PLEKHA5: variants seen among roughly 807,000 people sequenced by gnomAD.
PLEKHA5 encodes the protein pleckstrin homology domain containing A5, also known as pleckstrin homology domain-containing family A member 5.
PLEKHA5 carries 55 observed loss-of-function variants against 181.9 expected under a neutral mutation model. The observed-to-expected ratio is 0.30, with a 90% confidence interval of 0.24 to 0.38. The LOEUF is 0.38. PLEKHA5 is among the 10% of genes least tolerant of loss of function. The probability of loss-of-function intolerance (pLI) is 1.00; values close to 1 mark genes in which losing one functional copy is unlikely to be tolerated. For missense variants in PLEKHA5, 1,432 were observed against 1,549.5 expected, an observed-to-expected ratio of 0.92 and a Z score of 1.27; for synonymous variants, 535 against 529.4, an observed-to-expected ratio of 1.01 and a Z score of -0.15.
At chr12:19,199,206 G>T (rs1472725005) in intron 3 of PLEKHA5, among the ~76,000 whole-genome samples, 7 of 152,094 alleles carry the variant, frequency 4.6e-5, no homozygotes, top group Admixed American at 4.6e-4. Context: ...TAAGACTCTT[G>T]CAAATATAAG....
chr12:19,344,676 AT>A (rs1230365410), intron 22 of PLEKHA5, among the ~76,000 whole-genome samples: 4 of 152,254 alleles, frequency 2.6e-5, no homozygotes, highest in Non-Finnish European at 5.9e-5. Flanking sequence ...ATTATTTCAC[AT>A]TATGTTAATA....
chr12:19,338,313 C>G (rs1177729308), intron 21 of PLEKHA5, among the ~76,000 whole-genome samples: 1 of 152,074 alleles, frequency 6.6e-6, no homozygotes, highest in Non-Finnish European at 1.5e-5. Context: ...ATCCTCCCAC[C>G]TCAGCCTTCC....
chr12:19,241,767 A>C (rs534878453), intron 3 of PLEKHA5, among the ~76,000 whole-genome samples: 1 of 152,248 alleles, frequency 6.6e-6, no homozygotes, highest in East Asian at 1.9e-4. Flanking sequence ...TCTAAAAAAA[A>C]AAAAAGAAAA....
At chr12:19,291,755 TAC>T in intron 15 of PLEKHA5, 58 bp downstream of exon 15, 1 of 923,136 alleles carries the variant, frequency 1.1e-6, no homozygotes, top group Non-Finnish European at 1.6e-6. Context: ...TTAAATATAA[TAC>T]AGTTTTTCAG....
chr12:19,316,264 G>C (rs2088654165), intron 16 of PLEKHA5, among the ~76,000 whole-genome samples: 1 of 152,050 alleles, frequency 6.6e-6, no homozygotes, highest in Admixed American at 6.6e-5. Context: ...AGATGAGAAT[G>C]GTAGCCTGGA....
intron 3 of PLEKHA5, among the ~76,000 whole-genome samples, chr12:19,229,809 A>G (rs1468393571): frequency 6.6e-6 from 1 of 151,844 alleles, no homozygotes; most frequent in African/African-American, 2.4e-5. Flanking sequence ...TTTTACAGAG[A>G]GCTGATTGGT....
At chr12:19,347,916 A>G (rs932498197) in intron 24 of PLEKHA5, among the ~76,000 whole-genome samples, 1 of 133,428 alleles carries the variant, frequency 7.5e-6, no homozygotes, top group African/African-American at 2.9e-5. Context: ...ACAGGGTCTC[A>G]CTCTTTCCCA....
intron 25 of PLEKHA5, among the ~76,000 whole-genome samples, chr12:19,350,620 T>C (rs2094545950): frequency 6.6e-6 from 1 of 151,972 alleles, no homozygotes; most frequent in African/African-American, 2.4e-5. Context: ...AATACAAAAA[T>C]TAGCCAGGTG....
intron 3 of PLEKHA5, among the ~76,000 whole-genome samples, chr12:19,155,464 C>G (rs1283544139): frequency 6.6e-6 from 1 of 152,056 alleles, no homozygotes; most frequent in Non-Finnish European, 1.5e-5. Flanking sequence ...TTTGCTTAGT[C>G]TTTAGTCAGC....
intron 5 of PLEKHA5, among the ~76,000 whole-genome samples, chr12:19,255,915 CA>C (rs2066763541): frequency 1.4e-5 from 2 of 146,246 alleles, no homozygotes; most frequent in Admixed American, 6.8e-5. Flanking sequence ...GCTCAGAATG[CA>C]GATGGGCTTT....
intron 26 of PLEKHA5, among the ~76,000 whole-genome samples, chr12:19,356,453 G>A (rs770092568): frequency 2.0e-5 from 3 of 151,896 alleles, no homozygotes; most frequent in Non-Finnish European, 4.4e-5. Flanking sequence ...CCAGGAGGTC[G>A]AGGTGAGCCA....
intron 3 of PLEKHA5, among the ~76,000 whole-genome samples, chr12:19,157,836 A>G (rs1232080853): frequency 6.6e-6 from 1 of 152,202 alleles, no homozygotes; most frequent in Non-Finnish European, 1.5e-5. Flanking sequence ...GCCATGTACA[A>G]TATAAACAAT....
intron 25 of PLEKHA5, among the ~76,000 whole-genome samples, chr12:19,352,199 C>G (rs1010413156): frequency 6.6e-6 from 1 of 150,820 alleles, no homozygotes; most frequent in African/African-American, 2.4e-5. Flanking sequence ...GCCTGGACAA[C>G]GTGGCAAGAT....
At chr12:19,131,558 A>T (rs2033850050) in intron 2 of PLEKHA5, among the ~76,000 whole-genome samples, 1 of 152,190 alleles carries the variant, frequency 6.6e-6, no homozygotes, top group South Asian at 2.1e-4. Flanking sequence ...CATTTAAATT[A>T]TTTAGACTAA....
chr12:19,234,185 C>G (rs1341912369), intron 3 of PLEKHA5, among the ~76,000 whole-genome samples: 2 of 152,170 alleles, frequency 1.3e-5, no homozygotes, highest in Admixed American at 6.5e-5. Flanking sequence ...TAACTGAAAT[C>G]GCCTCTTGAA....
At chr12:19,338,242 A>T (rs994212810) in intron 21 of PLEKHA5, among the ~76,000 whole-genome samples, 5 of 151,988 alleles carry the variant, frequency 3.3e-5, no homozygotes, top group Non-Finnish European at 5.9e-5. Flanking sequence ...TTGTTCTGTC[A>T]CCCAGGCTGG....
At chr12:19,175,704 A>T (rs1451830637) in intron 3 of PLEKHA5, among the ~76,000 whole-genome samples, 1 of 152,204 alleles carries the variant, frequency 6.6e-6, no homozygotes, top group Non-Finnish European at 1.5e-5. Flanking sequence ...TGTTAAGAAA[A>T]TTTGAAACAG....
At chr12:19,140,308 G>A (rs983629402) in intron 3 of PLEKHA5, among the ~76,000 whole-genome samples, 1 of 152,162 alleles carries the variant, frequency 6.6e-6, no homozygotes, top group Non-Finnish European at 1.5e-5. Flanking sequence ...TATTACTGAA[G>A]TCTGTACTAT....
chr12:19,150,648 T>C (rs910782213), intron 3 of PLEKHA5: 1 of 152,226 alleles, frequency 6.6e-6, no homozygotes, highest in Non-Finnish European at 1.5e-5. Context: ...TTGTAATAAA[T>C]ATTTTGTAAT....
Sources: gnomAD v4.1 joint callset for allele counts (sites outside exome capture counted in the v4.1 genomes callset) on GRCh38, gnomAD v4.1.1 for gene constraint, MANE v1.5 for transcripts, NCBI Gene and HGNC (gene_info 2026-07-23, HGNC 2026-07-21) for gene names.